The following MARCHF7 variants were observed in gnomAD, a reference collection of about 807,000 sequenced individuals.
MARCHF7 encodes the protein membrane associated ring-CH-type finger 7.
MARCHF7 carries 20 observed loss-of-function variants against 76.5 expected under a neutral mutation model. That is an observed-to-expected ratio of 0.26 (90% CI 0.18 to 0.38). The LOEUF (loss-of-function observed/expected upper bound fraction) is 0.38. Among genes scored for constraint, MARCHF7 ranks in the 10% least tolerant of loss-of-function variants. The pLI is 1.00. For missense variants in MARCHF7, 797 were observed against 812.9 expected, an observed-to-expected ratio of 0.98 and a Z score of 0.24; for synonymous variants, 295 against 293.0, an observed-to-expected ratio of 1.01 and a Z score of -0.07.
chr2:159,720,981 C>T (rs1327291970), intron 3 of MARCHF7, among the ~76,000 whole-genome samples: 4 of 151,722 alleles, frequency 2.6e-5, no homozygotes, highest in Admixed American at 1.3e-4. Flanking sequence ...CCTTAGTCTC[C>T]GGATTAGCTG....
intron 1 of MARCHF7, among the ~76,000 whole-genome samples, chr2:159,712,953 T>C (rs143754539): frequency 2.5e-3 from 376 of 152,118 alleles, no homozygotes; most frequent in African/African-American, 8.5e-3. Flanking sequence ...AGCCCTCCTT[T>C]GGCGCGGGGC....
intron 10 of MARCHF7, among the ~76,000 whole-genome samples, chr2:159,764,212 T>TTGTGTGTGTGTGTGTGTG (rs377705664): frequency 5.1e-5 from 7 of 138,566 alleles, no homozygotes; most frequent in African/African-American, 1.7e-4. Context: ...CTTGGGAGTT[T>TTGTGTGTGTGTGTGTGTG]TGTGTGTGTG....
chr2:159,756,289 G>T (rs1263937995), intron 8 of MARCHF7, among the ~76,000 whole-genome samples: 1 of 152,148 alleles, frequency 6.6e-6, no homozygotes, highest in Non-Finnish European at 1.5e-5. Context: ...GCCCAGTTTG[G>T]AATATTTACT....
intron 10 of MARCHF7, 44 bp downstream of exon 10, chr2:159,763,037 A>C (rs368399446): frequency 8.8e-6 from 11 of 1,245,078 alleles, no homozygotes; most frequent in Non-Finnish European, 1.3e-5. Context: ...ATGATGCAGC[A>C]AGTGTATGCC....
At chr2:159,740,397 ATTCC>A (rs1014925019) in intron 4 of MARCHF7, among the ~76,000 whole-genome samples, 2 of 152,210 alleles carry the variant, frequency 1.3e-5, no homozygotes, top group African/African-American at 2.4e-5. Flanking sequence ...TATATCCTTT[ATTCC>A]TTTTTTAAAA....
In MARCHF7 at chr2:159,743,216, T is replaced by C; in HGVS notation, c.309T>C (p.Ala103=). ...KLSCTNCTTS[A]GRNVGNGLNT... Reference sequence around the variant, plus strand: ...CCTGTACAAACTGTACTACCTCAGCTGGGAGAAATGTTGGAAATGGTTTAA... The same window carrying C: ...CCTGTACAAACTGTACTACCTCAGCCGGGAGAAATGTTGGAAATGGTTTAA... The change falls in exon 5 of 12, where the codon GCT becomes GCC. Residue 103 remains alanine (A), a synonymous_variant. Transcript: ENST00000409175. 6.2e-7 allele frequency: 1 copy of C among 1,614,044 alleles called. No homozygotes were observed. Among genetic ancestry groups the C allele is most frequent in the Non-Finnish European group, 8.5e-7 (1 of 1,179,976 alleles).
chr2:159,756,687 C>CAAA (rs869261420), intron 8 of MARCHF7, among the ~76,000 whole-genome samples: 9 of 64,212 alleles, frequency 1.4e-4, no homozygotes, highest in East Asian at 6.0e-4. Context: ...CACTCAGTCT[C>CAAA]AAAAAAAAAA....
intron 7 of MARCHF7, 75 bp downstream of exon 7, chr2:159,748,978 CTTTT>C: frequency 9.4e-5 from 73 of 775,118 alleles, no homozygotes; most frequent in East Asian, 3.7e-4. Flanking sequence ...TTTTTCTTTT[CTTTT>C]TTTTTTTTTT....
Position 159,769,468 on chromosome 2 carries a change from C to T in MARCHF7, c.*2126C>T, listed in dbSNP as rs143135371. 1.2e-4 allele frequency: 18 copies of T among 152,260 alleles called. No homozygotes were observed. The highest frequency in any genetic ancestry group is 4.3e-4 in the African/African-American group (18 of 41,552). The allele number at this position is 152,260 out of a possible 1,614,324, so 9.4% of individuals were successfully genotyped here. On this transcript the variant is annotated 3_prime_UTR_variant, in exon 12 of 12. Transcript: ENST00000409175. ...GACCAGCCCAGTCAATATGGCGAAACCCCGTCTCTACCAAAAATACAAAAA... is the reference window on the plus strand; with the variant it reads ...GACCAGCCCAGTCAATATGGCGAAATCCCGTCTCTACCAAAAATACAAAAA...
chr2:159,719,232 G>A (rs1701362384), intron 3 of MARCHF7, among the ~76,000 whole-genome samples: 1 of 151,978 alleles, frequency 6.6e-6, no homozygotes, highest in African/African-American at 2.4e-5. Flanking sequence ...TTTTTGTAGA[G>A]ACGGGGTGTC....
At chr2:159,732,661 C>T (rs1702959190) in intron 4 of MARCHF7, among the ~76,000 whole-genome samples, 1 of 152,080 alleles carries the variant, frequency 6.6e-6, no homozygotes, top group Non-Finnish European at 1.5e-5. Context: ...TACAGATGCG[C>T]AGCCCCCTGC....
At chr2:159,766,611 TG>T (rs550065646) in intron 11 of MARCHF7, among the ~76,000 whole-genome samples, 135 of 152,268 alleles carry the variant, frequency 8.9e-4, no homozygotes, top group Non-Finnish European at 1.6e-3. Flanking sequence ...TTTTAACTCT[TG>T]AGCCACTAGT....
Position 159,733,686 on chromosome 2 carries a change from A to G in MARCHF7, c.153+4511A>G, listed in dbSNP as rs187204543. ...CAGGGGGTAGGACATGATCAATTTC[A>G]GTTATGTTATAGACTTAATATGGGA... On this transcript the variant is annotated intron_variant, in intron 4 of 11. Coordinates refer to ENST00000409175, the MANE Select transcript of MARCHF7 (RefSeq NM_001282805.2). 2.7e-3 allele frequency: 2,645 copies of G among 985,446 alleles called. 10 individuals carry two copies. Among genetic ancestry groups the G allele is most frequent in the Non-Finnish European group, 3.1e-3 (2,544 of 829,938 alleles). The allele number at this position is 985,446 out of a possible 1,614,324, so 61.0% of individuals were successfully genotyped here. A position where few individuals can be genotyped will look rare whatever the true frequency, so the allele number is the denominator to read the frequency against.
rs1708005524 is a variant in MARCHF7, at chr2:159,768,351, G to A, written c.*1009G>A. 6.6e-6 allele frequency: 1 copy of A among 152,504 alleles called. No individual in the cohort carries two copies. The highest frequency in any genetic ancestry group is 1.9e-4 in the East Asian group (1 of 5,204). The allele number at this position is 152,504 out of a possible 1,614,324, so 9.4% of individuals were successfully genotyped here. A position where few individuals can be genotyped will look rare whatever the true frequency, so the allele number is the denominator to read the frequency against. ...ACCATGAATGGATCTATACTGTGTGGTCATGAGTTGTGTATACTTCCATAA... is the reference window on the plus strand; with the variant it reads ...ACCATGAATGGATCTATACTGTGTGATCATGAGTTGTGTATACTTCCATAA... On this transcript the variant is annotated 3_prime_UTR_variant, in exon 12 of 12. Coordinates refer to ENST00000409175, the MANE Select transcript of MARCHF7 (RefSeq NM_001282805.2).
intron 9 of MARCHF7, among the ~76,000 whole-genome samples, chr2:159,761,431 T>G (rs1042240604): frequency 1.1e-5 from 1 of 94,716 alleles, no homozygotes; most frequent in Non-Finnish European, 2.1e-5. Flanking sequence ...TTTTTTTTTT[T>G]GAGACGGAGT....
At chr2:159,731,269 C>T (rs1419194206) in intron 4 of MARCHF7, among the ~76,000 whole-genome samples, 2 of 152,022 alleles carry the variant, frequency 1.3e-5, no homozygotes, top group Non-Finnish European at 2.9e-5. Flanking sequence ...GATAATAGTG[C>T]CTGGCATATG....
Position 159,745,954 on chromosome 2 carries a change from T to A in MARCHF7, c.514+17T>A. 1 of 1,598,718 alleles carries A rather than the reference T, an allele frequency of 6.3e-7. No homozygotes were observed. On this transcript the variant is annotated intron_variant, in intron 6 of 11. Transcript: ENST00000409175. ...CTTCATCATGTATGTATAAATTACA[T>A]CAAGTATAACTTCTCATAATGTTCC...
intron 3 of MARCHF7, among the ~76,000 whole-genome samples, chr2:159,720,564 T>C (rs1701524948): frequency 6.6e-6 from 1 of 152,350 alleles, no homozygotes; most frequent in African/African-American, 2.4e-5. Context: ...CTATTTTTTT[T>C]CTCTCATCTT....
rs567471573 is a variant in MARCHF7 at position 159,725,202 on chromosome 2, A to G, written c.-14-3807A>G. On this transcript the variant is annotated intron_variant, in intron 3 of 11. Coordinates refer to ENST00000409175, the MANE Select transcript of MARCHF7 (RefSeq NM_001282805.2). ...TAATCCTTTGGGTATATACCCAGTA[A>G]TGGGATGGCTGGGTCAAATGGTATT... 2.6e-5 allele frequency among the ~76,000 whole-genome samples: 4 copies of G among 152,324 alleles called. No homozygotes were observed. In the East Asian group the frequency reaches 7.7e-4, roughly 29 times the overall value.
Sources: allele counts gnomAD v4.1 joint callset (sites outside exome capture counted in the v4.1 genomes callset), GRCh38; gene constraint gnomAD v4.1.1; transcripts MANE v1.5; gene names NCBI Gene and HGNC (gene_info 2026-07-23, HGNC 2026-07-21).